Variants in GNG7 observed in about 807,000 individuals in gnomAD.
GNG7 encodes the protein guanine nucleotide-binding protein G(I)/G(S)/G(O) subunit gamma-7.
GNG7 carries 1 observed loss-of-function variant against 4.0 expected under a neutral mutation model. That is an observed-to-expected ratio of 0.25 (90% CI 0.09 to 1.18). The LOEUF is 1.18. GNG7 is among the 50% of genes most tolerant of loss of function. The probability of loss-of-function intolerance (pLI) is 0.50; values close to 1 mark genes in which losing one functional copy is unlikely to be tolerated. For synonymous variants in GNG7, 34 were observed against 36.9 expected (o/e 0.92, Z 0.29); for missense variants, 86 against 91.9 (o/e 0.94, Z 0.26).
chr19:2,521,612 G>GT lies in GNG7; in HGVS notation c.-37-888dup, dbSNP rs71178284. ...ACCCCTGGTGACTGTCCCCCTCCGT[G>GT]TTTTTTTTTTTTTTTTTTTGAGACA... On this transcript the variant is annotated intron_variant, in intron 3 of 4. Coordinates refer to ENST00000382159, the MANE Select transcript of GNG7 (RefSeq NM_052847.3). Among the ~76,000 whole-genome samples the GT allele has an allele frequency of 9.6e-3, 1,007 of 104,670 alleles. 56 individuals carry two copies. The highest frequency in any genetic ancestry group is 0.029 in the African/African-American group (736 of 25,478). The allele number at this position is 104,670 out of a possible 152,430, so 68.7% of individuals were successfully genotyped here.
chr19:2,512,148 T>TC lies in GNG7; in HGVS notation c.*2873dup. 1.0e-6 allele frequency: 1 copy of TC among 985,606 alleles called. No individual in the cohort carries two copies. Among genetic ancestry groups the TC allele is most frequent in the Non-Finnish European group, 1.2e-6 (1 of 829,898 alleles). The allele number at this position is 985,606 out of a possible 1,614,324, so 61.1% of individuals were successfully genotyped here. Reference sequence around the variant, plus strand: ...CCCTGGCGTAGCTGAGAGAGGCTTGTCCCCCCAAGGCTAGAGCTGCTGCTG... The same window carrying TC: ...CCCTGGCGTAGCTGAGAGAGGCTTGTCCCCCCCAAGGCTAGAGCTGCTGCTG... On this transcript the variant is annotated 3_prime_UTR_variant, in exon 5 of 5. Transcript: ENST00000382159. This position sits in a 1 kb window ranked among gnomAD's most constrained non-coding sequence, Gnocchi z 4.7.
At chr19:2,676,424 G>A (rs371197270) in intron 1 of GNG7, among the ~76,000 whole-genome samples, 6 of 152,030 alleles carry the variant, frequency 3.9e-5, no homozygotes, top group Admixed American at 2.6e-4. Context: ...AGAAGTGTCC[G>A]TCAAACCCTC....
At chr19:2,684,175 C>T (rs1366257250) in intron 1 of GNG7, among the ~76,000 whole-genome samples, 2 of 146,064 alleles carry the variant, frequency 1.4e-5, no homozygotes, top group Admixed American at 6.9e-5. Context: ...CTCACTCTGT[C>T]GCCCAGGCTG....
chr19:2,682,937 G>A (rs956141382), intron 1 of GNG7, among the ~76,000 whole-genome samples: 1 of 151,694 alleles, frequency 6.6e-6, no homozygotes, highest in Non-Finnish European at 1.5e-5. Context: ...TGGGCTCACT[G>A]AATAAGGACT....
Position 2,665,356 on chromosome 19 carries a change from T to G in GNG7, c.-134-19076A>C, listed in dbSNP as rs1412535943. The stretch of plus-strand genomic sequence containing the variant: ...AAATGTCCCCAGACATGGCCCAGTG[T>G]CCCCTGGGGGGGGGGGGGCAGGATC... On this transcript the variant is annotated intron_variant, in intron 1 of 4. Coordinates refer to ENST00000382159, the MANE Select transcript of GNG7 (RefSeq NM_052847.3). Among the ~76,000 whole-genome samples the G allele has an allele frequency of 1.4e-4, 13 of 91,214 alleles. No individual in the cohort carries two copies. The South Asian group carries it at 2.1e-3, about 15-fold the overall frequency. 59.8% of individuals were successfully genotyped at this position (91,214 alleles called of 152,430 possible).
chr19:2,616,101 A>C (rs1038633520), intron 2 of GNG7, among the ~76,000 whole-genome samples: 1 of 152,226 alleles, frequency 6.6e-6, no homozygotes, highest in African/African-American at 2.4e-5. Flanking sequence ...AGGGCTGCCC[A>C]GCATTGATTA....
chr19:2,623,868 G>T (rs545894750), intron 2 of GNG7, among the ~76,000 whole-genome samples: 1 of 152,154 alleles, frequency 6.6e-6, no homozygotes, highest in Non-Finnish European at 1.5e-5. Flanking sequence ...GCCACAGAGC[G>T]AGACTGCATC....
At chr19:2,524,399 C>T (rs1036935201) in intron 3 of GNG7, among the ~76,000 whole-genome samples, 3 of 152,194 alleles carry the variant, frequency 2.0e-5, no homozygotes, top group South Asian at 2.1e-4. Context: ...CGTGTGTACA[C>T]GTGGTGTGCA....
intron 2 of GNG7, among the ~76,000 whole-genome samples, chr19:2,571,089 A>G (rs530949410): frequency 8.5e-5 from 13 of 152,172 alleles, no homozygotes; most frequent in African/African-American, 3.1e-4. Context: ...GGCGTGAGCC[A>G]CCGTGCCCGG....
intron 4 of GNG7, among the ~76,000 whole-genome samples, chr19:2,515,509 C>T (rs1244225247): frequency 6.6e-6 from 1 of 151,956 alleles, no homozygotes; most frequent in Non-Finnish European, 1.5e-5. Context: ...CTCACTGCAA[C>T]CTCCACCTCG....
intron 4 of GNG7, among the ~76,000 whole-genome samples, chr19:2,516,628 C>T (rs547622753): frequency 6.6e-6 from 1 of 152,238 alleles, no homozygotes; most frequent in Non-Finnish European, 1.5e-5. Context: ...TTTTCGGAGT[C>T]CAAGACCTCA....
intron 1 of GNG7, among the ~76,000 whole-genome samples, chr19:2,669,243 G>A (rs920475787): frequency 3.3e-5 from 5 of 152,174 alleles, no homozygotes; most frequent in Admixed American, 3.3e-4. Flanking sequence ...TGCCATCCCA[G>A]CACTTTGGGA....
intron 1 of GNG7, among the ~76,000 whole-genome samples, chr19:2,689,163 AAAT>A (rs1913074496): frequency 6.6e-6 from 1 of 150,850 alleles, no homozygotes; most frequent in Non-Finnish European, 1.5e-5. Context: ...ATAAATAAAT[AAAT>A]AAGAAAAAAA....
chr19:2,644,843 G>A (rs1450401058), intron 2 of GNG7, among the ~76,000 whole-genome samples: 1 of 151,602 alleles, frequency 6.6e-6, no homozygotes, highest in African/African-American at 2.4e-5. Flanking sequence ...TGGTGTGGAT[G>A]GAGGATGTTC....
At chr19:2,582,656 ATTTTTTTTTTTTTTT>A (rs35625825) in intron 2 of GNG7, among the ~76,000 whole-genome samples, 2 of 86,146 alleles carry the variant, frequency 2.3e-5, no homozygotes, top group Non-Finnish European at 4.5e-5. Flanking sequence ...CTAATTGTTA[ATTTTTTTTTTTTTTT>A]TTTTTTTTTT....
rs1252304451 is a variant in GNG7, at chr19:2,584,978, GGGAT to G, written c.-77-29794_-77-29791del. Among the ~76,000 whole-genome samples the G allele has an allele frequency of 9.9e-4, 68 of 68,774 alleles. 4 individuals are homozygous for G. Among genetic ancestry groups the G allele is most frequent in the African/African-American group, 3.6e-3 (33 of 9,066 alleles). 45.1% of individuals were successfully genotyped at this position (68,774 alleles called of 152,430 possible). ...AAGGAAAGAAGGAAGGAGGGAGGGA[GGGAT>G]GGAGGGAGGGAGGGAAGGAAGGAAG... On this transcript the variant is annotated intron_variant, in intron 2 of 4. Transcript: ENST00000382159.
chr19:2,653,915 G>T lies in GNG7; in HGVS notation c.-134-7635C>A, dbSNP rs910745119. On this transcript the variant is annotated intron_variant, in intron 1 of 4. Coordinates refer to ENST00000382159, the MANE Select transcript of GNG7 (RefSeq NM_052847.3). This position sits in a 1 kb window ranked among gnomAD's most constrained non-coding sequence, Gnocchi z 4.8. The stretch of plus-strand genomic sequence containing the variant: ...CTTGGCAGGCATCCCCAACAGAGGC[G>T]AGGGGACAGCTCTCGCCTGCCTCGG... Among the ~76,000 whole-genome samples, 3 of 152,194 alleles carry T rather than the reference G, an allele frequency of 2.0e-5. No individual in the cohort carries two copies. The South Asian group carries it at 6.2e-4, about 31-fold the overall frequency.
intron 1 of GNG7, among the ~76,000 whole-genome samples, chr19:2,690,702 T>C (rs1019428532): frequency 8.6e-5 from 13 of 151,912 alleles, no homozygotes; most frequent in Non-Finnish European, 1.5e-4. Flanking sequence ...CAAGCAATAC[T>C]CCCACCTCAG....
chr19:2,562,543 C>T (rs563180387), intron 2 of GNG7, among the ~76,000 whole-genome samples: 8 of 152,314 alleles, frequency 5.3e-5, no homozygotes, highest in Non-Finnish European at 1.0e-4. Context: ...TTTTTCCCCC[C>T]GGGCACTGTG....
Sources: allele counts gnomAD v4.1 joint callset (sites outside exome capture counted in the v4.1 genomes callset), GRCh38; gene constraint gnomAD v4.1.1; non-coding constraint Gnocchi (gnomAD v3.1); transcripts MANE v1.5; gene names NCBI Gene and HGNC (gene_info 2026-07-23, HGNC 2026-07-21).